Variants in C2CD3 observed in about 807,000 individuals in gnomAD.
The protein encoded by C2CD3 is C2 domain-containing protein 3.
C2CD3 carries 148 observed loss-of-function variants against 234.0 expected under a neutral mutation model. The observed-to-expected ratio is 0.63, with a 90% CI of 0.55 to 0.72. The LOEUF (loss-of-function observed/expected upper bound fraction) is 0.72. C2CD3 is among the 30% of genes least tolerant of loss of function. The probability of loss-of-function intolerance (pLI) is 0.00; values close to 1 mark genes in which losing one functional copy is unlikely to be tolerated. For synonymous variants in C2CD3, 1,000 were observed against 1,035.4 expected (o/e 0.97, Z 0.66); for missense variants, 2,577 against 2,811.5 (o/e 0.92, Z 1.89).
intron 14 of C2CD3, among the ~76,000 whole-genome samples, chr11:74,101,827 G>C (rs1003659079): frequency 3.3e-5 from 5 of 152,008 alleles, no homozygotes; most frequent in African/African-American, 9.7e-5. Context: ...CAGGAGCTGA[G>C]GCTGGAGAAG....
At chr11:74,138,302 C>T (rs111652218) in intron 5 of C2CD3, among the ~76,000 whole-genome samples, 2 of 152,178 alleles carry the variant, frequency 1.3e-5, no homozygotes, top group Admixed American at 6.5e-5. Flanking sequence ...GTGTACTGAA[C>T]GTTCTCACTA....
At chr11:74,138,428 G>C (rs1311314355) in intron 5 of C2CD3, among the ~76,000 whole-genome samples, 1 of 152,214 alleles carries the variant, frequency 6.6e-6, no homozygotes, top group Non-Finnish European at 1.5e-5. Context: ...TTGGGACAAA[G>C]TAAGGACTAA....
At chr11:74,057,219 AAAAC>A (rs1165019246) in intron 25 of C2CD3, among the ~76,000 whole-genome samples, 183 bp downstream of exon 25, 1 of 152,228 alleles carries the variant, frequency 6.6e-6, no homozygotes, top group Non-Finnish European at 1.5e-5. Context: ...TAAAAACACT[AAAAC>A]AAAACCTTTA....
intron 32 of C2CD3, 63 bp downstream of exon 32, chr11:74,028,224 T>C (rs200605971): frequency 1.7e-6 from 2 of 1,210,054 alleles, no homozygotes; most frequent in Non-Finnish European, 2.3e-6. Context: ...CTGCATTCTG[T>C]GCACACTTCT....
intron 3 of C2CD3, among the ~76,000 whole-genome samples, chr11:74,144,248 A>T (rs1227110460): frequency 6.6e-6 from 1 of 152,096 alleles, no homozygotes; most frequent in African/African-American, 2.4e-5. Context: ...GGCCAGGGGA[A>T]AAAAAGGGCT....
chr11:74,023,902 A>G (rs1952188085), intron 32 of C2CD3, among the ~76,000 whole-genome samples: 2 of 152,214 alleles, frequency 1.3e-5, no homozygotes, highest in Admixed American at 1.3e-4. Context: ...ATGACATATG[A>G]TTATGTGATT....
intron 9 of C2CD3, 78 bp from the exon 10 acceptor site, chr11:74,114,671 T>A: frequency 1.1e-6 from 1 of 951,794 alleles, no homozygotes; most frequent in Non-Finnish European, 1.7e-6. Context: ...ACAGGCAAGA[T>A]GAGGAAAAAG....
chr11:74,133,729 T>C, intron 5 of C2CD3, 172 bp from the exon 6 acceptor site: 3 of 640,256 alleles, frequency 4.7e-6, no homozygotes, highest in Non-Finnish European at 5.4e-6. Flanking sequence ...GCAAAAGAGA[T>C]GTTTACTGAG....
At chr11:74,068,351 A>G (rs577379251) in intron 24 of C2CD3, among the ~76,000 whole-genome samples, 3 of 152,306 alleles carry the variant, frequency 2.0e-5, no homozygotes, top group Admixed American at 2.0e-4. Context: ...CAGCTCTCAC[A>G]TATTGTATAA....
At chr11:74,118,906 T>C (rs77673935) in intron 8 of C2CD3, among the ~76,000 whole-genome samples, 2 of 71,662 alleles carry the variant, frequency 2.8e-5, no homozygotes, top group East Asian at 4.4e-4. Flanking sequence ...GGATAGACTA[T>C]TTTTTTTTTT....
rs760777712 is a variant in C2CD3, at chr11:74,090,817, C to T, written c.3637G>A (p.Ala1213Thr). 9 of 1,614,076 alleles carry T rather than the reference C, an allele frequency of 5.6e-6. 1 individual carries two copies. Among genetic ancestry groups the T allele is most frequent in the South Asian group, 5.5e-5 (5 of 91,078 alleles). ...IIRACGLQAA[A>T]KALAEREPAL... ...GCTTGTCTCAGGTGGACTTACTTGGCTGCTGCTTGCAGACCACAGGCTCTG... is the reference window on the plus strand; with the variant it reads ...GCTTGTCTCAGGTGGACTTACTTGGTTGCTGCTTGCAGACCACAGGCTCTG... The change falls in exon 20 of 33, where the codon GCC becomes ACC. Residue 1213 changes from alanine to threonine, a missense_variant. Ala to Thr is a moderately conservative substitution (Grantham distance 58). Coordinates refer to ENST00000334126, the MANE Select transcript of C2CD3 (RefSeq NM_001286577.2).
chr11:74,014,256 G>A (rs1951801107), intron 32 of C2CD3, among the ~76,000 whole-genome samples: 2 of 152,202 alleles, frequency 1.3e-5, no homozygotes, highest in South Asian at 4.1e-4. Context: ...TGAGAGCAAG[G>A]CCCTGGGGAA....
At chr11:74,149,675 T>C (rs1053392638) in intron 3 of C2CD3, among the ~76,000 whole-genome samples, 4 of 152,104 alleles carry the variant, frequency 2.6e-5, no homozygotes, top group Admixed American at 2.6e-4. Context: ...CTATGCCTTG[T>C]GTACAGCTGC....
chr11:74,122,898 T>C (rs187617879), intron 8 of C2CD3, 90 bp downstream of exon 8: 212 of 462,136 alleles, frequency 4.6e-4, no homozygotes, highest in Non-Finnish European at 6.3e-4. Flanking sequence ...AGGTAAGTTA[T>C]GTAAAATGCA....
intron 32 of C2CD3, among the ~76,000 whole-genome samples, chr11:74,014,354 C>T (rs1409759200): frequency 6.6e-6 from 1 of 152,194 alleles, no homozygotes; most frequent in East Asian, 1.9e-4. Flanking sequence ...TCATGGCATG[C>T]AGCTTGCTCT....
At chr11:74,108,643 A>G (rs1161990113) in intron 12 of C2CD3, among the ~76,000 whole-genome samples, 1 of 152,176 alleles carries the variant, frequency 6.6e-6, no homozygotes, top group African/African-American at 2.4e-5. Flanking sequence ...AGCACAATAA[A>G]GAGGTTAAGA....
chr11:74,100,815 C>A (rs903142203), intron 14 of C2CD3, 139 bp from the exon 15 acceptor site: 15 of 679,732 alleles, frequency 2.2e-5, no homozygotes, highest in Non-Finnish European at 3.6e-5. Flanking sequence ...TCAAATAAAA[C>A]TTACTCTGTA....
chr11:74,161,140 T>C (rs1324633975), intron 3 of C2CD3, among the ~76,000 whole-genome samples: 1 of 152,102 alleles, frequency 6.6e-6, no homozygotes, highest in Non-Finnish European at 1.5e-5. Context: ...TTTATGAATG[T>C]AAAAAAGAGT....
chr11:74,026,994 C>T (rs1266417777), intron 32 of C2CD3, among the ~76,000 whole-genome samples: 1 of 150,784 alleles, frequency 6.6e-6, no homozygotes. Flanking sequence ...TTTAGATTCA[C>T]TTACTGGTTG....
Sources: gnomAD v4.1 joint callset for allele counts (sites outside exome capture counted in the v4.1 genomes callset) on GRCh38, gnomAD v4.1.1 for gene constraint, MANE v1.5 for transcripts, NCBI Gene and HGNC (gene_info 2026-07-23, HGNC 2026-07-21) for gene names.